The following PLXNA4 variants were observed in gnomAD, a reference collection of about 807,000 sequenced individuals.
PLXNA4 encodes the protein plexin A4.
PLXNA4 carries 44 observed loss-of-function variants against 191.8 expected under a neutral mutation model. The observed-to-expected ratio is 0.23, with a 90% CI of 0.18 to 0.29. The LOEUF (loss-of-function observed/expected upper bound fraction) is 0.29. PLXNA4 is among the 10% of genes least tolerant of loss of function. PLXNA4 has a pLI of 1.00. For missense variants in PLXNA4, 1,800 were observed against 2,488.8 expected (o/e 0.72, Z 5.89); for synonymous variants, 1,082 against 1,009.5 (o/e 1.07, Z -1.36).
chr7:132,322,116 G>C (rs1438667897), intron 3 of PLXNA4, among the ~76,000 whole-genome samples: 5 of 151,600 alleles, frequency 3.3e-5, no homozygotes, highest in Non-Finnish European at 7.4e-5. Context: ...ACTCGGGTCT[G>C]AGACACACTT....
At chr7:132,621,252 T>TG (rs1803257014) in intron 2 of PLXNA4, among the ~76,000 whole-genome samples, 3 of 126,168 alleles carry the variant, frequency 2.4e-5, no homozygotes, top group Non-Finnish European at 5.2e-5. Context: ...TTTTGTTTTT[T>TG]TTTTTTGGTT....
At chr7:132,597,840 G>T (rs1014033731) in intron 2 of PLXNA4, among the ~76,000 whole-genome samples, 3 of 140,322 alleles carry the variant, frequency 2.1e-5, no homozygotes, top group East Asian at 2.3e-4. Context: ...TCCATGTTGC[G>T]CTCTCTCTCT....
At chr7:132,374,263 A>G (rs1476620121) in intron 3 of PLXNA4, among the ~76,000 whole-genome samples, 1 of 152,210 alleles carries the variant, frequency 6.6e-6, no homozygotes, top group Non-Finnish European at 1.5e-5. Flanking sequence ...TAACTCCTTA[A>G]GGTTCCCATT....
chr7:132,617,958 A>G (rs1345035330), intron 2 of PLXNA4, among the ~76,000 whole-genome samples: 2 of 152,040 alleles, frequency 1.3e-5, no homozygotes, highest in Admixed American at 6.5e-5. Flanking sequence ...CCTTCTCACT[A>G]TGTAAGGTGG....
intron 3 of PLXNA4, among the ~76,000 whole-genome samples, chr7:132,476,237 T>C (rs573505501): frequency 6.6e-6 from 1 of 152,270 alleles, no homozygotes; most frequent in African/African-American, 2.4e-5. Flanking sequence ...CCTAGCATAA[T>C]AGCCACCGGG....
At chr7:132,243,180 G>A (rs1798937010) in intron 4 of PLXNA4, among the ~76,000 whole-genome samples, 4 of 152,198 alleles carry the variant, frequency 2.6e-5, no homozygotes, top group African/African-American at 7.2e-5. Context: ...AAAACATAAT[G>A]CACAGAGGGA....
intron 9 of PLXNA4, among the ~76,000 whole-genome samples, chr7:132,211,475 C>G (rs987991317): frequency 6.6e-6 from 1 of 152,232 alleles, no homozygotes; most frequent in African/African-American, 2.4e-5. Flanking sequence ...GCGGGCTAGG[C>G]CTCCCCTCCC....
At chr7:132,204,153 C>A (rs1444013036) in intron 10 of PLXNA4, among the ~76,000 whole-genome samples, 3 of 138,894 alleles carry the variant, frequency 2.2e-5, no homozygotes, top group African/African-American at 7.4e-5. Flanking sequence ...GTGCTCCTGT[C>A]CTCGGAGGGC....
At chr7:132,315,048 G>A (rs11762270) in intron 3 of PLXNA4, among the ~76,000 whole-genome samples, 37,416 of 152,158 alleles carry the variant, frequency 0.25, 5,806 homozygotes, top group African/African-American at 0.42. Context: ...AAGTTATCCA[G>A]TGGAATATTG....
rs999778362 is a variant in PLXNA4 at position 132,237,820 on chromosome 7, G to A, written c.1604+3246C>T. On this transcript the variant is annotated intron_variant, in intron 5 of 31. Coordinates refer to ENST00000321063, the MANE Select transcript of PLXNA4 (RefSeq NM_020911.2). Reference sequence around the variant, plus strand: ...TACGGAGTTATCGTGGAATCTATTTGCAAATTCAAGTAACTGCTAACGTTT... The same window carrying A: ...TACGGAGTTATCGTGGAATCTATTTACAAATTCAAGTAACTGCTAACGTTT... Among the ~76,000 whole-genome samples the A allele has an allele frequency of 3.9e-5, 6 of 152,168 alleles. No individual in the cohort carries two copies. In the East Asian group the frequency reaches 1.2e-3, roughly 29 times the overall value.
intron 3 of PLXNA4, among the ~76,000 whole-genome samples, chr7:132,483,335 CAGTAAAAGG>C (rs910476144): frequency 3.3e-5 from 5 of 152,178 alleles, no homozygotes; most frequent in African/African-American, 7.2e-5. Flanking sequence ...GTGAGCCCAG[CAGTAAAAGG>C]ACCACTTATG....
intron 16 of PLXNA4, among the ~76,000 whole-genome samples, chr7:132,182,983 A>AG (rs1167332710): frequency 6.6e-6 from 1 of 152,218 alleles, no homozygotes; most frequent in Non-Finnish European, 1.5e-5. Flanking sequence ...TGTGTCCTCC[A>AG]GGGGGGCTAC....
At chr7:132,555,514 A>G (rs1258691152) in intron 1 of PLXNA4, among the ~76,000 whole-genome samples, 4 of 152,240 alleles carry the variant, frequency 2.6e-5, no homozygotes, top group African/African-American at 9.6e-5. Flanking sequence ...ATTTTCAATA[A>G]TATTACCTCT....
At chr7:132,516,256 ATT>A (rs1364241209) in intron 1 of PLXNA4, among the ~76,000 whole-genome samples, 2 of 135,726 alleles carry the variant, frequency 1.5e-5, no homozygotes, top group Non-Finnish European at 3.2e-5. Context: ...TTATTTATTT[ATT>A]TATTTGTATT....
intron 3 of PLXNA4, among the ~76,000 whole-genome samples, chr7:132,318,892 C>T (rs1186388367): frequency 6.6e-6 from 1 of 152,038 alleles, no homozygotes; most frequent in African/African-American, 2.4e-5. Flanking sequence ...TGTGGACTCT[C>T]TGTTGAATTC....
At chr7:132,290,297 T>A (rs773506755) in intron 4 of PLXNA4, among the ~76,000 whole-genome samples, 1 of 152,212 alleles carries the variant, frequency 6.6e-6, no homozygotes, top group Non-Finnish European at 1.5e-5. Flanking sequence ...GAGAGGCAGA[T>A]ACATTGAAAT....
chr7:132,262,853 C>T (rs992339588), intron 4 of PLXNA4, among the ~76,000 whole-genome samples: 10 of 151,994 alleles, frequency 6.6e-5, no homozygotes, highest in African/African-American at 2.4e-4. Flanking sequence ...GACCACTTGT[C>T]GTTCATGACT....
intron 3 of PLXNA4, among the ~76,000 whole-genome samples, chr7:132,419,636 A>G (rs1234069114): frequency 6.6e-6 from 1 of 152,184 alleles, no homozygotes; most frequent in Non-Finnish European, 1.5e-5. Context: ...GTCATGTTCC[A>G]TTAAGTTGAT....
At chr7:132,364,619 G>A (rs1804080749) in intron 3 of PLXNA4, among the ~76,000 whole-genome samples, 1 of 152,164 alleles carries the variant, frequency 6.6e-6, no homozygotes, top group South Asian at 2.1e-4. Flanking sequence ...CTTTCTGCCT[G>A]GACTGGACAT....
Sources: gnomAD v4.1 joint callset for allele counts (sites outside exome capture counted in the v4.1 genomes callset) on GRCh38, gnomAD v4.1.1 for gene constraint, MANE v1.5 for transcripts, NCBI Gene and HGNC (gene_info 2026-07-23, HGNC 2026-07-21) for gene names.